Variants in TRABD observed in about 807,000 individuals in gnomAD.
TRABD encodes the protein traB domain-containing protein.
TRABD carries 23 observed loss-of-function variants against 39.6 expected under a neutral mutation model. That is an observed-to-expected ratio of 0.58 (90% CI 0.42 to 0.82). The LOEUF (loss-of-function observed/expected upper bound fraction) is 0.82, where lower values mean the gene tolerates loss of function less well. Ranked by LOEUF, TRABD falls within the 40% of genes least tolerant of loss-of-function variation. The pLI is 0.00. For missense variants in TRABD, 487 were observed against 544.9 expected (o/e 0.89, Z 1.06); for synonymous variants, 243 against 232.1 (o/e 1.05, Z -0.43).
chr22:50,189,443 G>A (rs1000104568), intron 1 of TRABD, among the ~76,000 whole-genome samples: 6 of 152,246 alleles, frequency 3.9e-5, no homozygotes, highest in African/African-American at 1.4e-4. Flanking sequence ...GGCAGGGAGA[G>A]TGAAGCACAG....
At chr22:50,195,547 T>C (rs1347002266) in intron 5 of TRABD, among the ~76,000 whole-genome samples, 2 of 152,018 alleles carry the variant, frequency 1.3e-5, no homozygotes, top group South Asian at 2.1e-4. Flanking sequence ...ACTGCAACCT[T>C]CGCCTCCTGG....
At chr22:50,197,763 A>AGGCCCCCCCCCCCCCCCCCGGT in intron 7 of TRABD, 60 bp from the exon 8 acceptor site, 2 of 1,439,784 alleles carry the variant, frequency 1.4e-6, no homozygotes, top group Non-Finnish European at 9.7e-7. Context: ...CCACAGTGCC[A>AGGCCCCCCCCCCCCCCCCCGGT]GCCCCACCCC....
intron 2 of TRABD, 62 bp downstream of exon 2, chr22:50,193,155 G>A (rs1247401092): frequency 1.3e-6 from 2 of 1,493,752 alleles, no homozygotes; most frequent in Non-Finnish European, 1.8e-6. Flanking sequence ...CGCTTTGTGG[G>A]CTCTCGGGGT....
intron 1 of TRABD, among the ~76,000 whole-genome samples, chr22:50,190,356 G>A (rs183862044): frequency 3.2e-4 from 49 of 152,300 alleles, no homozygotes; most frequent in African/African-American, 1.0e-3. Context: ...CCCATGGCAC[G>A]ACTGGGGTCA....
intron 5 of TRABD, among the ~76,000 whole-genome samples, chr22:50,196,720 T>C (rs1323343163): frequency 2.0e-5 from 3 of 152,040 alleles, no homozygotes; most frequent in Middle Eastern, 3.4e-3. Flanking sequence ...TTTTTTTTTT[T>C]TGAGACAGAG....
At position 50,193,075 on chromosome 22, in the gene TRABD, G is replaced by A. The variant is rs545378536; in HGVS notation, c.15G>A (p.Glu5=). The A allele has an allele frequency of 1.3e-6, 2 of 1,545,816 alleles. No individual in the cohort carries two copies. The highest frequency in any genetic ancestry group is 2.0e-5 in the Admixed American group (1 of 51,058). ...GCCGCCCAGCCATGGACGGGGAGGA[G>A]CAGCAGCCACCGCACGAGGTGAGGT... MDGE[E]QQPPHEANVE... is the part of the protein sequence containing the mutation. Residue 5 remains glutamate (E), a synonymous_variant, in exon 2 of 10, where the codon GAG becomes GAA. Coordinates refer to ENST00000380909, the MANE Select transcript of TRABD (RefSeq NM_001320485.2).
In TRABD at chr22:50,187,203, G is replaced by A. The variant is rs1010485611; in HGVS notation, c.-35+1227G>A. Among the ~76,000 whole-genome samples the A allele has an allele frequency of 1.2e-4, 19 of 152,368 alleles. No homozygotes were observed. The East Asian group carries it at 3.7e-3, about 29-fold the overall frequency. On this transcript the variant is annotated intron_variant, in intron 1 of 9. Coordinates refer to ENST00000380909, the MANE Select transcript of TRABD (RefSeq NM_001320485.2). ...TGTGGGGCCCCCTGCATGGTGGTCA[G>A]TGTGGGGGCTCTGCATTGACTGTGA...
intron 1 of TRABD, among the ~76,000 whole-genome samples, chr22:50,190,953 T>C (rs2063888460): frequency 6.6e-6 from 1 of 152,210 alleles, no homozygotes; most frequent in South Asian, 2.1e-4. Flanking sequence ...GGGTCCAGAC[T>C]CAAGCCCAGG....
chr22:50,188,994 C>A, intron 1 of TRABD, among the ~76,000 whole-genome samples: 1 of 152,234 alleles, frequency 6.6e-6, no homozygotes, highest in Middle Eastern at 3.2e-3. Flanking sequence ...ATCATGGTTT[C>A]CAAAGCCAGA....
chr22:50,198,900 C>T lies in TRABD; in HGVS notation c.*381C>T, dbSNP rs2064227731. On this transcript the variant is annotated 3_prime_UTR_variant, in exon 10 of 10. Transcript: ENST00000380909. The surrounding 1 kb of genome is among the most constrained non-coding windows in gnomAD (Gnocchi z 7.9). ...CTACCTCACTGTGCCTTCCTGTGCT[C>T]CGGCCACAGGAGCGTCGGCCCAGGG... 1 of 574,608 alleles carries T rather than the reference C, an allele frequency of 1.7e-6. No individual in the cohort carries two copies. The highest frequency in any genetic ancestry group is 2.1e-5 in the South Asian group (1 of 48,660). 35.6% of individuals were successfully genotyped at this position (574,608 alleles called of 1,614,324 possible).
intron 2 of TRABD, 102 bp downstream of exon 2, chr22:50,193,195 A>G (rs921192185): frequency 1.8e-5 from 24 of 1,361,362 alleles, no homozygotes; most frequent in African/African-American, 2.9e-5. Context: ...TGCAAAGGTG[A>G]TCTTCACAGG....
At chr22:50,189,284 G>A (rs1031176455) in intron 1 of TRABD, among the ~76,000 whole-genome samples, 1 of 152,218 alleles carries the variant, frequency 6.6e-6, no homozygotes, top group Non-Finnish European at 1.5e-5. Context: ...CGCCTTAAAC[G>A]GCGGCTCCTG....
intron 1 of TRABD, among the ~76,000 whole-genome samples, chr22:50,188,580 T>C (rs532929398): frequency 6.6e-6 from 1 of 152,346 alleles, no homozygotes; most frequent in East Asian, 1.9e-4. Context: ...GTGGCGTCTC[T>C]TCCAGGAGTA....
At chr22:50,188,124 A>G (rs368538172) in intron 1 of TRABD, among the ~76,000 whole-genome samples, 184 of 149,666 alleles carry the variant, frequency 1.2e-3, no homozygotes, top group African/African-American at 4.2e-3. Flanking sequence ...TACTAAAAAT[A>G]CAAAAATTAG....
chr22:50,196,981 C>T (rs1021868023), intron 5 of TRABD: 22 of 477,574 alleles, frequency 4.6e-5, no homozygotes, highest in African/African-American at 3.0e-4. Flanking sequence ...GACAGGCGTG[C>T]GCCACTGCAC....
intron 1 of TRABD, among the ~76,000 whole-genome samples, chr22:50,188,245 G>A (rs897990658): frequency 6.6e-6 from 1 of 152,028 alleles, no homozygotes; most frequent in Non-Finnish European, 1.5e-5. Flanking sequence ...TCACGCCACC[G>A]CACTCCAGCC....
intron 2 of TRABD, 25 bp downstream of exon 2, chr22:50,193,118 C>T: frequency 6.5e-7 from 1 of 1,536,774 alleles, no homozygotes; most frequent in Non-Finnish European, 8.7e-7. Context: ...GGGCTGGCTG[C>T]ACAGAGACAG....
intron 7 of TRABD, 58 bp from the exon 8 acceptor site, chr22:50,197,765 C>CCCCCCCCCCCCCCCCCCCGGGG: frequency 6.6e-6 from 5 of 754,048 alleles, no homozygotes; most frequent in Non-Finnish European, 1.1e-5. Context: ...ACAGTGCCAG[C>CCCCCCCCCCCCCCCCCCCGGGG]CCCACCCCCC....
intron 1 of TRABD, among the ~76,000 whole-genome samples, chr22:50,188,771 C>T (rs569136319): frequency 5.6e-4 from 85 of 152,162 alleles, no homozygotes; most frequent in Non-Finnish European, 9.1e-4. Context: ...CTGTCTGAGG[C>T]TCCCACTGGA....
Sources: allele counts gnomAD v4.1 joint callset (sites outside exome capture counted in the v4.1 genomes callset), GRCh38; gene constraint gnomAD v4.1.1; non-coding constraint Gnocchi (gnomAD v3.1); transcripts MANE v1.5; gene names NCBI Gene and HGNC (gene_info 2026-07-23, HGNC 2026-07-21).